Variants in MYOM3 observed in about 807,000 individuals in gnomAD.
MYOM3 encodes the protein myomesin-3.
In MYOM3, 155 loss-of-function variants were observed where a neutral mutation model predicts 191.7. That is an observed-to-expected ratio of 0.81 (90% CI 0.71 to 0.92). The LOEUF is 0.92. MYOM3 is among the 40% of genes least tolerant of loss of function. The pLI, the probability that MYOM3 is intolerant of heterozygous loss-of-function variation, is 0.00. For missense variants in MYOM3, 1,889 were observed against 1,890.6 expected (o/e 1.00, Z 0.02); for synonymous variants, 757 against 762.9 (o/e 0.99, Z 0.13).
intron 26 of MYOM3, 71 bp downstream of exon 26, chr1:24,068,152 C>T (rs1643476476): frequency 3.7e-6 from 5 of 1,339,758 alleles, no homozygotes; most frequent in African/African-American, 1.6e-5. Flanking sequence ...GGACTCAGGG[C>T]TGCAGGGCAG....
chr1:24,068,623 A>G (rs1288326895), intron 25 of MYOM3, among the ~76,000 whole-genome samples: 12 of 152,004 alleles, frequency 7.9e-5, no homozygotes, highest in Admixed American at 7.9e-4. Context: ...CAGTGGAGCG[A>G]TCAGTTACAA....
chr1:24,071,402 A>G, intron 24 of MYOM3, 149 bp from the exon 25 acceptor site: 5 of 934,122 alleles, frequency 5.4e-6, no homozygotes, highest in Non-Finnish European at 7.7e-6. Flanking sequence ...GGCTCAGAGG[A>G]GGGTTTTCCG....
chr1:24,069,611 CTTTCT>C (rs777692829), intron 25 of MYOM3, among the ~76,000 whole-genome samples: 17 of 126,402 alleles, frequency 1.3e-4, no homozygotes, highest in Non-Finnish European at 2.3e-4. Context: ...TTCTTTCTTT[CTTTCT>C]TTTTTTTTTT....
intron 7 of MYOM3, 97 bp from the exon 8 acceptor site, chr1:24,095,583 G>T (rs1643874668): frequency 9.6e-7 from 1 of 1,046,048 alleles, no homozygotes; most frequent in Non-Finnish European, 1.4e-6. Flanking sequence ...TTTGAGTCCT[G>T]GTCTGTTGGT....
rs1318220660 is a variant in MYOM3, at chr1:24,107,991, A to T, written c.242+2T>A. The T allele has an allele frequency of 1.9e-6, 3 of 1,613,086 alleles. No homozygotes were observed. Among genetic ancestry groups the T allele is most frequent in the Middle Eastern group, 1.7e-4 (1 of 6,054 alleles). ...GCTCCCTGGGAAGCTTCTCTGACTC[A>T]CCAAGACAGCTCGGAGGAGGCCGTC... On this transcript the variant is annotated splice_donor_variant, in intron 3 of 36. Transcript: ENST00000374434. LOFTEE classifies it high-confidence loss of function.
chr1:24,063,671 T>TCCCCAAGCTATGAG lies in MYOM3; in HGVS notation c.3623-142_3623-141insCTCATAGCTTGGGG. The TCCCCAAGCTATGAG allele has an allele frequency of 1.1e-6, 1 of 940,220 alleles. No individual in the cohort carries two copies. The highest frequency in any genetic ancestry group is 1.7e-6 in the Non-Finnish European group (1 of 598,270). 58.2% of individuals were successfully genotyped at this position (940,220 alleles called of 1,614,324 possible). A position where few individuals can be genotyped will look rare whatever the true frequency, so the allele number is the denominator to read the frequency against. ...AGGCAACTCTGTAGGATGACTCTCA[T>TCCCCAAGCTATGAG]AGCTTGGGGATAGGAGGGGGTTCAG... On this transcript the variant is annotated intron_variant, in intron 30 of 36. Transcript: ENST00000374434. The surrounding 1 kb of genome is among the most constrained non-coding windows in gnomAD (Gnocchi z 4.5).
chr1:24,062,191 G>A (rs1358777519), intron 32 of MYOM3, 82 bp from the exon 33 acceptor site: 1 of 1,529,018 alleles, frequency 6.5e-7, no homozygotes, highest in Non-Finnish European at 8.9e-7. Flanking sequence ...CTCTCCTCTG[G>A]TTTTGTTTTG....
In MYOM3 at chr1:24,072,031, G is replaced by T; in HGVS notation, c.2969-18C>A. The T allele has an allele frequency of 6.2e-7, 1 of 1,613,824 alleles. No individual in the cohort carries two copies. The highest frequency in any genetic ancestry group is 8.5e-7 in the Non-Finnish European group (1 of 1,179,734). ...CTCCAGCTCTGGGATAGGGGGAAGT[G>T]AGGAAGAAACCAGAGAGAATGAAAT... On this transcript the variant is annotated intron_variant, in intron 23 of 36. Coordinates refer to ENST00000374434, the MANE Select transcript of MYOM3 (RefSeq NM_152372.4).
In MYOM3 at chr1:24,067,285, T is replaced by TTTCTTTCTTTCTTTCTTTCTTTCTTTCC. The variant is rs1553155365; in HGVS notation, c.3356-198_3356-197insGGAAAGAAAGAAAGAAAGAAAGAAAGAA. Among the ~76,000 whole-genome samples the TTTCTTTCTTTCTTTCTTTCTTTCTTTCC allele has an allele frequency of 2.2e-4, 22 of 99,402 alleles. 1 individual carries two copies. Among genetic ancestry groups the TTTCTTTCTTTCTTTCTTTCTTTCTTTCC allele is most frequent in the Non-Finnish European group, 3.4e-4 (16 of 47,524 alleles). 65.2% of individuals were successfully genotyped at this position (99,402 alleles called of 152,430 possible). ...ATTTCTTTCTTTCTTTCTTCCTTCCTTTCTTTCTTTCTTTCTTTCCTTCTT... is the reference window on the plus strand; with the variant it reads ...ATTTCTTTCTTTCTTTCTTCCTTCCTTTCTTTCTTTCTTTCTTTCTTTCTTTCCTTCTTTCTTTCTTTCTTTCCTTCTT... On this transcript the variant is annotated intron_variant, in intron 27 of 36. Coordinates refer to ENST00000374434, the MANE Select transcript of MYOM3 (RefSeq NM_152372.4).
intron 36 of MYOM3, among the ~76,000 whole-genome samples, chr1:24,058,249 A>G (rs1427729605): frequency 2.6e-5 from 4 of 152,224 alleles, no homozygotes; most frequent in Non-Finnish European, 5.9e-5. Flanking sequence ...CAATGCAAGT[A>G]AGATTATATA....
chr1:24,074,915 T>C (rs1643577443), intron 22 of MYOM3, among the ~76,000 whole-genome samples: 1 of 151,976 alleles, frequency 6.6e-6, no homozygotes, highest in Admixed American at 6.6e-5. Flanking sequence ...CGAGACCCCA[T>C]CTCTACAAAA....
At chr1:24,100,323 C>A (rs1035023584) in intron 5 of MYOM3, among the ~76,000 whole-genome samples, 2 of 152,172 alleles carry the variant, frequency 1.3e-5, no homozygotes, top group Admixed American at 6.5e-5. Context: ...GCTTATAAAG[C>A]CTTTCCCCTG....
Position 24,106,084 on chromosome 1 carries a change from G to T in MYOM3, c.403-7C>A. 1 of 1,605,814 alleles carries T rather than the reference G, an allele frequency of 6.2e-7. No homozygotes were observed. Among genetic ancestry groups the T allele is most frequent in the Non-Finnish European group, 8.5e-7 (1 of 1,177,220 alleles). On this transcript the variant is annotated splice_region_variant and splice_polypyrimidine_tract_variant and intron_variant, in intron 4 of 36. Coordinates refer to ENST00000374434, the MANE Select transcript of MYOM3 (RefSeq NM_152372.4). ...CCTGGACCTTCTCCTCTGTCTGGAG[G>T]CGGGAAGAGGTGTATGACGCTGTGA...
At chr1:24,105,756 A>G (rs1474075912) in intron 5 of MYOM3, among the ~76,000 whole-genome samples, 164 bp downstream of exon 5, 1 of 152,134 alleles carries the variant, frequency 6.6e-6, no homozygotes, top group Non-Finnish European at 1.5e-5. Context: ...CGCCTCTAAA[A>G]AAAATAACCC....
intron 14 of MYOM3, among the ~76,000 whole-genome samples, chr1:24,088,295 A>G (rs1203678714): frequency 2.0e-5 from 3 of 152,180 alleles, no homozygotes; most frequent in Non-Finnish European, 4.4e-5. Flanking sequence ...TAGGACAAGA[A>G]ATTGCCATAA....
chr1:24,067,386 T>TTCTCTTTC (rs71779971), intron 27 of MYOM3, among the ~76,000 whole-genome samples: 4 of 47,870 alleles, frequency 8.4e-5, no homozygotes, highest in African/African-American at 3.2e-4. Context: ...CTTTCTTTCT[T>TTCTCTTTC]TTTCCTTCCT....
At chr1:24,081,299 G>A (rs764664825) in intron 19 of MYOM3, 31 bp downstream of exon 19, 4 of 1,611,512 alleles carry the variant, frequency 2.5e-6, no homozygotes, top group South Asian at 1.1e-5. Flanking sequence ...GGAAGGGCAG[G>A]CACTGGACTT....
intron 27 of MYOM3, among the ~76,000 whole-genome samples, chr1:24,067,305 C>CT (rs1643451700): frequency 2.8e-5 from 2 of 70,726 alleles, no homozygotes; most frequent in Non-Finnish European, 3.1e-5. Context: ...TCTTTCTTTC[C>CT]TTCTTTCTTT....
Position 24,076,189 on chromosome 1 carries a change from T to A in MYOM3, c.2671A>T (p.Thr891Ser). The change falls in exon 21 of 37, where the codon ACT becomes TCT. Residue 891 changes from threonine to serine, a missense_variant. Thr to Ser is a moderately conservative substitution (Grantham distance 58). Coordinates refer to ENST00000374434, the MANE Select transcript of MYOM3 (RefSeq NM_152372.4). ...SAGLGQPSMP[T>S]DPVLLEDKPG... Reference sequence around the variant, plus strand: ...TTGTCCTCCAGGAGCACGGGATCAGTGGGCATGGACGGTTGCCCCAGACCA... The same window carrying A: ...TTGTCCTCCAGGAGCACGGGATCAGAGGGCATGGACGGTTGCCCCAGACCA... 1 of 1,614,172 alleles carries A rather than the reference T, an allele frequency of 6.2e-7. No individual in the cohort carries two copies. Among genetic ancestry groups the A allele is most frequent in the Non-Finnish European group, 8.5e-7 (1 of 1,180,002 alleles).
Sources: allele counts gnomAD v4.1 joint callset (sites outside exome capture counted in the v4.1 genomes callset), GRCh38; gene constraint gnomAD v4.1.1; non-coding constraint Gnocchi (gnomAD v3.1); transcripts MANE v1.5; gene names NCBI Gene and HGNC (gene_info 2026-07-23, HGNC 2026-07-21).